Variants in PTPRC observed in about 807,000 individuals in gnomAD.
PTPRC encodes the protein protein tyrosine phosphatase receptor type C, also known as receptor-type tyrosine-protein phosphatase C.
In PTPRC, 44 loss-of-function variants were observed where a neutral mutation model predicts 155.9. The observed-to-expected ratio is 0.28, with a 90% confidence interval of 0.22 to 0.36. The LOEUF (loss-of-function observed/expected upper bound fraction) is 0.36, where lower values mean the gene tolerates loss of function less well. PTPRC is among the 10% of genes least tolerant of loss of function. The pLI is 1.00. For missense variants in PTPRC, 1,401 were observed against 1,564.6 expected (o/e 0.90, Z 1.76); for synonymous variants, 525 against 533.1 (o/e 0.98, Z 0.21).
intron 2 of PTPRC, among the ~76,000 whole-genome samples, chr1:198,670,957 GTAATC>G (rs1169080077): frequency 1.3e-5 from 2 of 152,012 alleles, no homozygotes; most frequent in East Asian, 3.8e-4. Flanking sequence ...AGTATTATAA[GTAATC>G]TAAAGATGAT....
intron 2 of PTPRC, among the ~76,000 whole-genome samples, chr1:198,649,308 C>G (rs1199008714): frequency 3.3e-5 from 5 of 151,704 alleles, no homozygotes; most frequent in Admixed American, 2.6e-4. Context: ...TCCAATGACC[C>G]ATGTTCTTAT....
At chr1:198,693,404 A>C (rs1666032535) in intron 3 of PTPRC, among the ~76,000 whole-genome samples, 1 of 152,226 alleles carries the variant, frequency 6.6e-6, no homozygotes, top group Non-Finnish European at 1.5e-5. Context: ...AATGCAACTT[A>C]GTATCTCCAA....
Position 198,718,484 on chromosome 1 carries a change from A to C in PTPRC, c.1659+182A>C, listed in dbSNP as rs72738058. On this transcript the variant is annotated intron_variant, in intron 14 of 32. Coordinates refer to ENST00000442510, the MANE Select transcript of PTPRC (RefSeq NM_002838.5). ...AATTTTTATTCCTATAGCTCAAGTC[A>C]GTGGTTTAAAGCAAATGTTTCATTG... 0.013 allele frequency among the ~76,000 whole-genome samples: 2,005 copies of C among 152,334 alleles called. 25 individuals are homozygous for C. The highest frequency in any genetic ancestry group is 0.016 in the Non-Finnish European group (1,076 of 68,024).
intron 2 of PTPRC, among the ~76,000 whole-genome samples, chr1:198,651,969 C>T (rs543393150): frequency 7.9e-5 from 12 of 151,702 alleles, no homozygotes; most frequent in African/African-American, 1.7e-4. Context: ...GATTATTCAA[C>T]GAATGTACAA....
intron 25 of PTPRC, 78 bp from the exon 26 acceptor site, chr1:198,743,976 A>C (rs985523092): frequency 1.5e-6 from 2 of 1,360,534 alleles, no homozygotes; most frequent in African/African-American, 2.9e-5. Context: ...TTTATGGGGA[A>C]TGTATATTTT....
intron 3 of PTPRC, among the ~76,000 whole-genome samples, chr1:198,693,628 G>A (rs1002309842): frequency 5.3e-5 from 8 of 152,090 alleles, no homozygotes; most frequent in African/African-American, 1.9e-4. Flanking sequence ...AAAATGCAAA[G>A]GAAAATGGTC....
intron 25 of PTPRC, among the ~76,000 whole-genome samples, chr1:198,743,067 CA>C (rs10628640): frequency 0.14 from 10,732 of 75,894 alleles, 660 homozygotes; most frequent in East Asian, 0.32. Context: ...GTCAAAATAG[CA>C]AAAAAAAAAA....
At chr1:198,702,664 A>G in intron 6 of PTPRC, 134 bp downstream of exon 6, 2 of 1,195,890 alleles carry the variant, frequency 1.7e-6, no homozygotes, top group South Asian at 1.3e-5. Context: ...TCACGTATCA[A>G]CACCAAATTA....
At chr1:198,722,343 A>T in intron 14 of PTPRC, 73 bp from the exon 15 acceptor site, 1 of 675,462 alleles carries the variant, frequency 1.5e-6, no homozygotes, top group Non-Finnish European at 2.1e-6. Context: ...TTACATTGTG[A>T]TATATAATAT....
chr1:198,656,997 C>A (rs1051312527), intron 2 of PTPRC, among the ~76,000 whole-genome samples: 3 of 150,206 alleles, frequency 2.0e-5, no homozygotes, highest in Non-Finnish European at 4.4e-5. Flanking sequence ...ATTCTAACTC[C>A]ACCATAGGAT....
At chr1:198,710,898 A>G (rs1464819666) in intron 11 of PTPRC, among the ~76,000 whole-genome samples, 2 of 152,258 alleles carry the variant, frequency 1.3e-5, no homozygotes, top group Non-Finnish European at 2.9e-5. Flanking sequence ...TCTGTTGCCC[A>G]GGCTGGAGTG....
intron 2 of PTPRC, among the ~76,000 whole-genome samples, chr1:198,648,755 G>A (rs1229346242): frequency 6.6e-6 from 1 of 151,768 alleles, no homozygotes; most frequent in Non-Finnish European, 1.5e-5. Flanking sequence ...GAATACTGAT[G>A]TGATGTGTTA....
At chr1:198,690,276 T>A (rs1253529570) in intron 2 of PTPRC, among the ~76,000 whole-genome samples, 1 of 152,122 alleles carries the variant, frequency 6.6e-6, no homozygotes, top group Non-Finnish European at 1.5e-5. Flanking sequence ...CTAATATTTT[T>A]TTCTTATTAC....
chr1:198,665,091 T>C (rs1390166104), intron 2 of PTPRC, among the ~76,000 whole-genome samples: 1 of 127,700 alleles, frequency 7.8e-6, no homozygotes, highest in South Asian at 2.8e-4. Context: ...TTTTTTTTTT[T>C]TTTTTTTTTT....
intron 32 of PTPRC, 147 bp from the exon 33 acceptor site, chr1:198,755,759 A>ATGTT: frequency 2.3e-6 from 2 of 865,384 alleles, no homozygotes; most frequent in Admixed American, 2.4e-5. Context: ...AATTATTTAG[A>ATGTT]TGTTTTTATG....
rs115134478 is a variant in PTPRC, at chr1:198,678,378, A to T, written c.74-13969A>T. Among the ~76,000 whole-genome samples, 69 of 152,320 alleles carry T rather than the reference A, an allele frequency of 4.5e-4. No individual in the cohort carries two copies. In the East Asian group the frequency reaches 0.013, roughly 29 times the overall value. The stretch of plus-strand genomic sequence containing the variant: ...TATTTTTATTCAATTATAAGCAAAC[A>T]GCAGAATTAACCCAACATTCAGCAA... On this transcript the variant is annotated intron_variant, in intron 2 of 32. Transcript: ENST00000442510.
At chr1:198,731,911 G>C (rs1273606570) in intron 18 of PTPRC, among the ~76,000 whole-genome samples, 185 bp downstream of exon 18, 1 of 151,968 alleles carries the variant, frequency 6.6e-6, no homozygotes, top group Non-Finnish European at 1.5e-5. Flanking sequence ...CGGGATTATA[G>C]TGTAGAGCTA....
In PTPRC at chr1:198,681,622, A is replaced by G. The variant is rs145276809; in HGVS notation, c.74-10725A>G. 1.2e-4 allele frequency among the ~76,000 whole-genome samples: 18 copies of G among 152,158 alleles called. No individual in the cohort carries two copies. In the East Asian group the frequency reaches 3.1e-3, roughly 26 times the overall value. On this transcript the variant is annotated intron_variant, in intron 2 of 32. Coordinates refer to ENST00000442510, the MANE Select transcript of PTPRC (RefSeq NM_002838.5). ...ATTTTGTCTTACTTTTTTCTTTGTG[A>G]TCTATTTTCTCCAAGTTGCATAATG...
chr1:198,732,161 G>C, intron 18 of PTPRC, 139 bp from the exon 19 acceptor site: 1 of 724,394 alleles, frequency 1.4e-6, no homozygotes, highest in Non-Finnish European at 2.4e-6. Context: ...TCTTAATTTT[G>C]ATTACTCTAA....
Sources: allele counts gnomAD v4.1 joint callset (sites outside exome capture counted in the v4.1 genomes callset), GRCh38; gene constraint gnomAD v4.1.1; transcripts MANE v1.5; gene names NCBI Gene and HGNC (gene_info 2026-07-23, HGNC 2026-07-21).